The following CSMD2 variants were observed in gnomAD, a reference collection of about 807,000 sequenced individuals.
The protein encoded by CSMD2 is CUB and Sushi multiple domains 2.
In CSMD2, 130 loss-of-function variants were observed where a neutral mutation model predicts 398.5. That is an observed-to-expected ratio of 0.33 (90% CI 0.28 to 0.38). The LOEUF is 0.38. Ranked by LOEUF, CSMD2 falls within the 10% of genes least tolerant of loss-of-function variation. The pLI is 1.00. For synonymous variants in CSMD2, 1,828 were observed against 1,908.5 expected, an observed-to-expected ratio of 0.96 and a Z score of 1.10; for missense variants, 3,829 against 4,764.9, an observed-to-expected ratio of 0.80 and a Z score of 5.78.
rs531812074 is a variant in CSMD2 at position 34,074,845 on chromosome 1, G to A, written c.404+14132C>T. 8.5e-5 allele frequency among the ~76,000 whole-genome samples: 13 copies of A among 152,290 alleles called. No homozygotes were observed. In the South Asian group the frequency reaches 1.9e-3, roughly 22 times the overall value. On this transcript the variant is annotated intron_variant, in intron 2 of 70. Transcript: ENST00000373381. ...AGGAAAGGGTGTCCTGGGCAAGGAA[G>A]GGACAACTGAGTTACTTGAGGAATG...
intron 3 of CSMD2, among the ~76,000 whole-genome samples, chr1:34,007,040 G>A (rs1037871174): frequency 2.0e-5 from 3 of 152,124 alleles, no homozygotes; most frequent in African/African-American, 7.2e-5. Flanking sequence ...CATGCCCTGT[G>A]AATGACCAGA....
At chr1:34,074,151 A>G (rs1402268942) in intron 2 of CSMD2, among the ~76,000 whole-genome samples, 2 of 152,220 alleles carry the variant, frequency 1.3e-5, no homozygotes, top group South Asian at 2.1e-4. Flanking sequence ...GGAGATTACA[A>G]TCCAACACGA....
At chr1:34,090,546 C>G (rs983196208) in intron 1 of CSMD2, among the ~76,000 whole-genome samples, 2 of 151,742 alleles carry the variant, frequency 1.3e-5, no homozygotes, top group Non-Finnish European at 2.9e-5. Context: ...CTGTTGCCTA[C>G]CCCCCAACTC....
At chr1:33,877,796 T>C (rs1640942659) in intron 5 of CSMD2, among the ~76,000 whole-genome samples, 1 of 152,058 alleles carries the variant, frequency 6.6e-6, no homozygotes, top group African/African-American at 2.4e-5. Context: ...GTTAAGTTAA[T>C]GTCGAAGATA....
chr1:33,907,115 CTT>C (rs59706894), intron 5 of CSMD2, among the ~76,000 whole-genome samples: 4,979 of 89,172 alleles, frequency 0.056, 218 homozygotes, highest in African/African-American at 0.19. Flanking sequence ...TGATGATTAT[CTT>C]TTTTTTTTTT....
intron 4 of CSMD2, among the ~76,000 whole-genome samples, chr1:33,926,928 G>A (rs956708008): frequency 1.3e-5 from 2 of 152,130 alleles, no homozygotes; most frequent in African/African-American, 4.8e-5. Context: ...GAGAAAACAG[G>A]ACATTATCCT....
intron 56 of CSMD2, among the ~76,000 whole-genome samples, chr1:33,548,824 G>C (rs1657154987): frequency 1.1e-5 from 1 of 95,188 alleles, no homozygotes; most frequent in Non-Finnish European, 2.4e-5. Context: ...CATGACCCTT[G>C]TCCTCTCATG....
intron 55 of CSMD2, among the ~76,000 whole-genome samples, chr1:33,555,686 C>G (rs2794605): frequency 6.6e-6 from 1 of 151,962 alleles, no homozygotes; most frequent in Admixed American, 6.6e-5. Flanking sequence ...TCTCCACCAG[C>G]GAAGAGTATG....
At position 34,135,443 on chromosome 1, in the gene CSMD2, AC is replaced by A. The variant is rs530109693; in HGVS notation, c.187+29467del. On this transcript the variant is annotated intron_variant, in intron 1 of 70. Transcript: ENST00000373381. Reference sequence around the variant, plus strand: ...AGACCATCTTGACCAACATGGTGAAACCCCATCTCTACTAAAAATACAAAAA... The same window carrying A: ...AGACCATCTTGACCAACATGGTGAAACCCATCTCTACTAAAAATACAAAAA... Among the ~76,000 whole-genome samples, 32 of 152,060 alleles carry A rather than the reference AC, an allele frequency of 2.1e-4. No individual in the cohort carries two copies. The South Asian group carries it at 5.4e-3, about 26-fold the overall frequency.
rs748534861 is a variant in CSMD2 at position 33,819,852 on chromosome 1, G to T, written c.1200-15C>A. On this transcript the variant is annotated splice_polypyrimidine_tract_variant and intron_variant, in intron 8 of 70. Transcript: ENST00000373381. Reference sequence around the variant, plus strand: ...TGGATCCTAACCTGGGAGACAAAGTGTGTCTGTGAGCTCCATCCCTGGGCC... The same window carrying T: ...TGGATCCTAACCTGGGAGACAAAGTTTGTCTGTGAGCTCCATCCCTGGGCC... 8 of 1,613,606 alleles carry T rather than the reference G, an allele frequency of 5.0e-6. No individual in the cohort carries two copies. In the Admixed American group the frequency reaches 1.2e-4, roughly 24 times the overall value.
chr1:33,517,472 C>G (rs1262631392), intron 70 of CSMD2, among the ~76,000 whole-genome samples: 1 of 152,210 alleles, frequency 6.6e-6, no homozygotes, highest in East Asian at 1.9e-4. Flanking sequence ...TTACACTGTT[C>G]AATAATTCAT....
chr1:33,664,309 T>C (rs1644238546), intron 25 of CSMD2, among the ~76,000 whole-genome samples: 1 of 152,228 alleles, frequency 6.6e-6, no homozygotes, highest in African/African-American at 2.4e-5. Context: ...TGTAGTTTTC[T>C]ATAACTTTCT....
intron 3 of CSMD2, among the ~76,000 whole-genome samples, chr1:33,947,799 G>A (rs1644883696): frequency 6.6e-6 from 1 of 152,162 alleles, no homozygotes; most frequent in South Asian, 2.1e-4. Context: ...ATCGCTTACG[G>A]ACCACTTCTA....
At chr1:33,588,487 A>T (rs184371669) in intron 44 of CSMD2, among the ~76,000 whole-genome samples, 2 of 152,336 alleles carry the variant, frequency 1.3e-5, no homozygotes, top group Non-Finnish European at 2.9e-5. Context: ...TGGAAATCAA[A>T]TGTTCTGTGT....
chr1:34,085,217 C>T (rs1283835525), intron 2 of CSMD2, among the ~76,000 whole-genome samples: 2 of 152,110 alleles, frequency 1.3e-5, no homozygotes, highest in Non-Finnish European at 2.9e-5. Flanking sequence ...CCATCACACA[C>T]CAGGGACTGT....
At chr1:33,755,186 G>A (rs1648813187) in intron 13 of CSMD2, among the ~76,000 whole-genome samples, 1 of 152,124 alleles carries the variant, frequency 6.6e-6, no homozygotes, top group South Asian at 2.1e-4. Flanking sequence ...AACTGAGGCA[G>A]CTCTGCTGAT....
chr1:33,553,114 A>T (rs1252999310), intron 55 of CSMD2, among the ~76,000 whole-genome samples: 1 of 152,234 alleles, frequency 6.6e-6, no homozygotes, highest in African/African-American at 2.4e-5. Flanking sequence ...TATAAGTTAC[A>T]GGTACACCTA....
intron 5 of CSMD2, among the ~76,000 whole-genome samples, chr1:33,850,809 T>C (rs548335124): frequency 1.5e-4 from 23 of 152,234 alleles, no homozygotes; most frequent in South Asian, 1.0e-3. Context: ...TAATGGAATC[T>C]GGCTTGGGAA....
intron 29 of CSMD2, among the ~76,000 whole-genome samples, chr1:33,641,138 G>A (rs1243501030): frequency 6.6e-6 from 1 of 152,096 alleles, no homozygotes; most frequent in Non-Finnish European, 1.5e-5. Flanking sequence ...CAACCCTTCT[G>A]ATTTGTTTCT....
Sources: allele counts gnomAD v4.1 joint callset (sites outside exome capture counted in the v4.1 genomes callset), GRCh38; gene constraint gnomAD v4.1.1; transcripts MANE v1.5; gene names NCBI Gene and HGNC (gene_info 2026-07-23, HGNC 2026-07-21).